PLCB3: variants seen among roughly 807,000 people sequenced by gnomAD.
PLCB3 encodes the protein 1-phosphatidylinositol 4,5-bisphosphate phosphodiesterase beta-3.
PLCB3 carries 54 observed loss-of-function variants against 152.1 expected under a neutral mutation model. The observed-to-expected ratio is 0.36, with a 90% CI of 0.29 to 0.45. The LOEUF is 0.45. PLCB3 is among the 20% of genes least tolerant of loss of function. PLCB3 has a pLI of 1.00. For synonymous variants in PLCB3, 717 were observed against 698.7 expected (o/e 1.03, Z -0.41); for missense variants, 1,248 against 1,687.5 (o/e 0.74, Z 4.56).
Position 64,266,185 on chromosome 11 carries a change from G to A in PLCB3, c.3249G>A (p.Leu1083=), listed in dbSNP as rs1041616642. The change falls in exon 27 of 31, where the codon CTG becomes CTA. Residue 1083 remains leucine, a synonymous_variant. Transcript: ENST00000279230. The surrounding 1 kb of genome is among the most constrained non-coding windows in gnomAD (Gnocchi z 4.9). ...LDANTTQFKR[L]KEMNEREKKE... ...CAAACACAACTCAGTTCAAGAGGCTGAAAGAGATGAACGAGAGGTGAAAGC... is the reference window on the plus strand; with the variant it reads ...CAAACACAACTCAGTTCAAGAGGCTAAAAGAGATGAACGAGAGGTGAAAGC... 13 of 1,614,006 alleles carry A rather than the reference G, an allele frequency of 8.1e-6. No homozygotes were observed. Among genetic ancestry groups the A allele is most frequent in the African/African-American group, 1.3e-5 (1 of 74,906 alleles).
chr11:64,256,284 G>C, intron 8 of PLCB3, 92 bp from the exon 9 acceptor site: 1 of 1,185,192 alleles, frequency 8.4e-7, no homozygotes, highest in Non-Finnish European at 1.2e-6. Flanking sequence ...CCAGGGGCAG[G>C]CCTTCTGACT....
chr11:64,267,451 G>C lies in PLCB3; in HGVS notation c.3600G>C (p.Gly1200=), dbSNP rs1157768932. The change falls in exon 31 of 31, where the codon GGG becomes GGC. Residue 1200 remains glycine, a synonymous_variant. Coordinates refer to ENST00000279230, the MANE Select transcript of PLCB3 (RefSeq NM_000932.5). This position sits in a 1 kb window ranked among gnomAD's most constrained non-coding sequence, Gnocchi z 5.2. Reference sequence around the variant, plus strand: ...TGGGCGAGATGCCGGAGGGGCTGGGGGACGGGCCTCTGGTGGCCTGTGCCA... The same window carrying C: ...TGGGCGAGATGCCGGAGGGGCTGGGCGACGGGCCTCTGGTGGCCTGTGCCA... The part of the protein sequence containing the change: ...SLLGEMPEGL[G]DGPLVACASN... 6.4e-7 allele frequency: 1 copy of C among 1,555,000 alleles called. No homozygotes were observed. Among genetic ancestry groups the C allele is most frequent in the African/African-American group, 1.4e-5 (1 of 73,576 alleles).
In PLCB3 at chr11:64,267,643, T is replaced by C; in HGVS notation, c.*87T>C. On this transcript the variant is annotated 3_prime_UTR_variant, in exon 31 of 31. Transcript: ENST00000279230. The surrounding 1 kb of genome is among the most constrained non-coding windows in gnomAD (Gnocchi z 5.2). ...GACACTAATGCTTTTTTTTTTTTTT[T>C]TTAACTTTTTATCTAGAAATTTTAT... 1 of 1,013,470 alleles carries C rather than the reference T, an allele frequency of 9.9e-7. No individual in the cohort carries two copies. Among genetic ancestry groups the C allele is most frequent in the Non-Finnish European group, 1.4e-6 (1 of 706,170 alleles). The allele number at this position is 1,013,470 out of a possible 1,614,324, so 62.8% of individuals were successfully genotyped here. A position where few individuals can be genotyped will look rare whatever the true frequency, so the allele number is the denominator to read the frequency against.
In PLCB3 at chr11:64,256,650, C is replaced by G. The variant is rs2031549201; in HGVS notation, c.898C>G (p.Leu300Val). The change falls in exon 10 of 31, where the codon CTG becomes GTG. Residue 300 changes from leucine (L) to valine (V), a missense_variant. Leu to Val is a conservative substitution (Grantham distance 32). This residue lies in a region of PLCB3 where 299 missense variants were observed against 434.7 expected (regional missense o/e 0.69). Coordinates refer to ENST00000279230, the MANE Select transcript of PLCB3 (RefSeq NM_000932.5). ...QMSMEGFSRY[L>V]GGEENGILPL... ...GTCCATGGAGGGCTTTAGCCGCTAC[C>G]TGGGAGGCGAGGAGAATGGCATCCT... 1 of 1,614,112 alleles carries G rather than the reference C, an allele frequency of 6.2e-7. No homozygotes were observed. Among genetic ancestry groups the G allele is most frequent in the Admixed American group, 1.7e-5 (1 of 60,008 alleles).
chr11:64,261,836 T>C, intron 16 of PLCB3, 116 bp from the exon 17 acceptor site: 1 of 1,516,420 alleles, frequency 6.6e-7, no homozygotes, highest in Non-Finnish European at 9.1e-7. Flanking sequence ...GGGGCATGGC[T>C]AGGCTAAGAA....
downstream of PLCB3, chr11:64,269,170 CCT>C (rs1297109482): frequency 4.6e-5 from 7 of 152,552 alleles, no homozygotes; most frequent in African/African-American, 9.6e-5. Context: ...CTGCTGCTCC[CCT>C]GTCCTTCCAT....
chr11:64,252,633 G>C (rs1404669326), intron 1 of PLCB3, among the ~76,000 whole-genome samples: 1 of 152,210 alleles, frequency 6.6e-6, no homozygotes, highest in Non-Finnish European at 1.5e-5. Flanking sequence ...CGTGGGAGCT[G>C]GGGGGAGGAG....
In PLCB3 at chr11:64,263,946, T is replaced by C. The variant is rs2031983413; in HGVS notation, c.2561-75T>C. The stretch of plus-strand genomic sequence containing the variant: ...TGAGGACAAGCTCTGGAATTCCTCA[T>C]TGAGACCAGAGGTGGCGGGTGGGGG... On this transcript the variant is annotated intron_variant, in intron 21 of 30. Transcript: ENST00000279230. 3.9e-6 allele frequency: 5 copies of C among 1,265,900 alleles called. No homozygotes were observed. In the South Asian group the frequency reaches 4.0e-5, roughly 10 times the overall value. 78.4% of individuals were successfully genotyped at this position (1,265,900 alleles called of 1,614,324 possible). A position where few individuals can be genotyped will look rare whatever the true frequency, so the allele number is the denominator to read the frequency against.
In PLCB3 at chr11:64,251,633, C is replaced by T; in HGVS notation, c.-17C>T. The T allele has an allele frequency of 7.1e-7, 1 of 1,407,686 alleles. No homozygotes were observed. The highest frequency in any genetic ancestry group is 9.4e-7 in the Non-Finnish European group (1 of 1,066,582). 87.2% of individuals were successfully genotyped at this position (1,407,686 alleles called of 1,614,324 possible). On this transcript the variant is annotated 5_prime_UTR_variant, in exon 1 of 31. Coordinates refer to ENST00000279230, the MANE Select transcript of PLCB3 (RefSeq NM_000932.5). ...CGTCAGGGCTCCGTGGGTCCCCGAC[C>T]CGCCCCTGGCCGGGCCATGGCGGGC...
intron 2 of PLCB3, 40 bp from the exon 3 acceptor site, chr11:64,254,708 G>A: frequency 1.9e-6 from 3 of 1,600,546 alleles, no homozygotes; most frequent in Non-Finnish European, 2.6e-6. Context: ...CTATTGCCCT[G>A]CAGCCTCTCA....
At chr11:64,263,979 G>T (rs1468516571) in intron 21 of PLCB3, 42 bp from the exon 22 acceptor site, 1 of 1,485,886 alleles carries the variant, frequency 6.7e-7, no homozygotes. Flanking sequence ...GGGTGGCCTG[G>T]GGGCTCTGTC....
Position 64,251,745 on chromosome 11 carries a change from C to T in PLCB3, c.96C>T (p.Asp32=). ...GCGGGAGTAAGTTCATCAAATGGGA[C>T]GAGGTAAGCGCGCGGGCCCCTGCTC... ...LRRGSKFIKW[D]EETSSRNLVT... is the part of the protein sequence containing the mutation. Residue 32 remains aspartate (D), a synonymous_variant, in exon 1 of 31, where the codon GAC becomes GAT. Transcript: ENST00000279230. 1 of 1,450,036 alleles carries T rather than the reference C, an allele frequency of 6.9e-7. No individual in the cohort carries two copies. Among genetic ancestry groups the T allele is most frequent in the South Asian group, 1.3e-5 (1 of 74,376 alleles). 89.8% of individuals were successfully genotyped at this position (1,450,036 alleles called of 1,614,324 possible). A position where few individuals can be genotyped will look rare whatever the true frequency, so the allele number is the denominator to read the frequency against.
At position 64,255,458 on chromosome 11, in the gene PLCB3, C is replaced by T. The variant is rs2031473570; in HGVS notation, c.521+9C>T. The T allele has an allele frequency of 6.2e-7, 1 of 1,613,980 alleles. No homozygotes were observed. Among genetic ancestry groups the T allele is most frequent in the Non-Finnish European group, 8.5e-7 (1 of 1,179,984 alleles). ...CGGATCCCCGTCAAGAAGTGAGCAC[C>T]CCTTCCCCCAGCACCTTCCTCCTGC... On this transcript the variant is annotated intron_variant, in intron 6 of 30. Transcript: ENST00000279230. The surrounding 1 kb of genome is among the most constrained non-coding windows in gnomAD (Gnocchi z 6.8).
At chr11:64,263,911 G>A (rs2031982136) in intron 21 of PLCB3, 110 bp from the exon 22 acceptor site, 3 of 1,186,376 alleles carry the variant, frequency 2.5e-6, no homozygotes, top group Non-Finnish European at 1.2e-6. Context: ...AACTGAGTAG[G>A]GAACAGATCT....
chr11:64,257,216 C>G (rs1287016203), intron 10 of PLCB3, among the ~76,000 whole-genome samples: 1 of 152,130 alleles, frequency 6.6e-6, no homozygotes, highest in Non-Finnish European at 1.5e-5. Context: ...GTTGGTCAGG[C>G]TGGTCTCAAA....
intron 1 of PLCB3, among the ~76,000 whole-genome samples, chr11:64,252,567 C>G (rs927875163): frequency 6.6e-6 from 1 of 152,246 alleles, no homozygotes; most frequent in Non-Finnish European, 1.5e-5. Context: ...CCCAGTCAGG[C>G]CACGGGCCTG....
rs1055703411 is a variant in PLCB3, at chr11:64,266,892, C to A, written c.3415-293C>A. ...TTGGCTCACTGCAACCTCTTGGGTT[C>A]AAGCAATTCTCTTGCCTCAGCCTCC... is the stretch of plus-strand genomic sequence containing the variant. On this transcript the variant is annotated intron_variant, in intron 29 of 30. Transcript: ENST00000279230. The surrounding 1 kb of genome is among the most constrained non-coding windows in gnomAD (Gnocchi z 4.9). Among the ~76,000 whole-genome samples the A allele has an allele frequency of 1.3e-5, 2 of 152,124 alleles. No homozygotes were observed. The highest frequency in any genetic ancestry group is 4.8e-5 in the African/African-American group (2 of 41,424).
At chr11:64,259,785 C>T (rs2031744595) in intron 13 of PLCB3, among the ~76,000 whole-genome samples, 1 of 152,150 alleles carries the variant, frequency 6.6e-6, no homozygotes, top group African/African-American at 2.4e-5. Flanking sequence ...CTGAACCACC[C>T]TATCTGCCTC....
intron 22 of PLCB3, among the ~76,000 whole-genome samples, chr11:64,264,575 G>T (rs1463837567): frequency 2.0e-5 from 3 of 152,164 alleles, no homozygotes; most frequent in Non-Finnish European, 1.5e-5. Flanking sequence ...CTGCGGTTGA[G>T]TCCTCTGTTG....
Sources: gnomAD v4.1 joint callset for allele counts (sites outside exome capture counted in the v4.1 genomes callset) on GRCh38, gnomAD v4.1.1 for gene constraint, gnomAD v4.1.1 regional missense constraint, Gnocchi (gnomAD v3.1) non-coding constraint, MANE v1.5 for transcripts, NCBI Gene and HGNC (gene_info 2026-07-23, HGNC 2026-07-21) for gene names.